OSBPL1A: variants seen among roughly 807,000 people sequenced by gnomAD.
The protein encoded by OSBPL1A is oxysterol binding protein like 1A.
A neutral mutation model predicts 137.1 loss-of-function variants in OSBPL1A; 80 were observed. The ratio of observed to expected loss-of-function variants is 0.58; its 90% CI spans 0.49 to 0.70. The LOEUF is 0.70. Among genes scored for constraint, OSBPL1A ranks in the 30% least tolerant of loss-of-function variants. The probability of loss-of-function intolerance (pLI) is 0.00; values close to 1 mark genes in which losing one functional copy is unlikely to be tolerated. For synonymous variants in OSBPL1A, 365 were observed against 389.7 expected (o/e 0.94, Z 0.75); for missense variants, 970 against 1,129.4 (o/e 0.86, Z 2.02).
chr18:24,363,646 A>T (rs189148936), intron 4 of OSBPL1A, among the ~76,000 whole-genome samples: 229 of 144,682 alleles, frequency 1.6e-3, no homozygotes, highest in Non-Finnish European at 1.8e-3. Context: ...CTTCCTTTCT[A>T]TCTTTCTTTC....
chr18:24,258,817 T>TA (rs2089360499), intron 15 of OSBPL1A, among the ~76,000 whole-genome samples: 1 of 152,024 alleles, frequency 6.6e-6, no homozygotes, highest in Non-Finnish European at 1.5e-5. Context: ...CAATATATTT[T>TA]AATGTAATAT....
At chr18:24,394,145 C>G (rs1907565358) in intron 1 of OSBPL1A, among the ~76,000 whole-genome samples, 1 of 152,110 alleles carries the variant, frequency 6.6e-6, no homozygotes. Context: ...GTTTATAAAG[C>G]ATTGAAATCA....
chr18:24,219,002 AAAATAGGAGGCCG>A (rs2145978831), intron 17 of OSBPL1A, among the ~76,000 whole-genome samples: 1 of 152,250 alleles, frequency 6.6e-6, no homozygotes, highest in Admixed American at 6.5e-5. Flanking sequence ...ATTTGCTTTA[AAAATAGGAGGCCG>A]AGCGCAGTGG....
At chr18:24,273,988 C>T (rs1418669663) in intron 15 of OSBPL1A, among the ~76,000 whole-genome samples, 1 of 152,102 alleles carries the variant, frequency 6.6e-6, no homozygotes, top group African/African-American at 2.4e-5. Context: ...AATCCCAGCA[C>T]ATTGAGAGGC....
chr18:24,223,829 T>C (rs537086428), intron 17 of OSBPL1A, among the ~76,000 whole-genome samples: 16 of 152,298 alleles, frequency 1.1e-4, no homozygotes, highest in African/African-American at 3.8e-4. Flanking sequence ...CTTTGAACTT[T>C]CCAAAGATTT....
At chr18:24,293,911 G>A (rs2146090838) in intron 14 of OSBPL1A, among the ~76,000 whole-genome samples, 1 of 152,288 alleles carries the variant, frequency 6.6e-6, no homozygotes, top group South Asian at 2.1e-4. Context: ...CAGCAAGTAG[G>A]TTTTCAGATG....
chr18:24,350,493 T>C (rs2091419977), intron 4 of OSBPL1A, among the ~76,000 whole-genome samples: 1 of 152,174 alleles, frequency 6.6e-6, no homozygotes, highest in Non-Finnish European at 1.5e-5. Flanking sequence ...GGTCTCACTA[T>C]ATTGCCCAGG....
intron 14 of OSBPL1A, chr18:24,302,756 T>C (rs924301461): frequency 6.6e-6 from 1 of 152,036 alleles, no homozygotes; most frequent in Admixed American, 6.6e-5. Context: ...TGAGAACTCA[T>C]AATAGAGAAT....
At chr18:24,365,693 G>A (rs1403385700) in intron 4 of OSBPL1A, among the ~76,000 whole-genome samples, 2 of 152,126 alleles carry the variant, frequency 1.3e-5, no homozygotes, top group Middle Eastern at 3.2e-3. Flanking sequence ...ATATAAACAG[G>A]CATGAGGAAA....
chr18:24,260,934 C>T (rs186074665), intron 15 of OSBPL1A, among the ~76,000 whole-genome samples: 73 of 151,382 alleles, frequency 4.8e-4, no homozygotes, highest in Non-Finnish European at 7.4e-5. Flanking sequence ...AGCTTATGTC[C>T]ACATAAATAC....
intron 4 of OSBPL1A, among the ~76,000 whole-genome samples, chr18:24,351,355 A>AAAAAAAAAAAAAAAAAAAAAAC (rs1568045846): frequency 6.7e-6 from 1 of 150,068 alleles, no homozygotes; most frequent in Non-Finnish European, 1.5e-5. Flanking sequence ...CTCAAAAAAA[A>AAAAAAAAAAAAAAAAAAAAAAC]AAAAAAAAAA....
At chr18:24,239,749 C>A (rs1290082530) in intron 15 of OSBPL1A, among the ~76,000 whole-genome samples, 1 of 151,970 alleles carries the variant, frequency 6.6e-6, no homozygotes, top group African/African-American at 2.4e-5. Flanking sequence ...ACAGTTTCAG[C>A]AAGTCTTGGA....
At chr18:24,244,172 A>G (rs1270744067) in intron 15 of OSBPL1A, among the ~76,000 whole-genome samples, 1 of 152,214 alleles carries the variant, frequency 6.6e-6, no homozygotes, top group East Asian at 1.9e-4. Flanking sequence ...GGTGTAACAG[A>G]AACAGTGCCT....
intron 15 of OSBPL1A, among the ~76,000 whole-genome samples, chr18:24,251,204 C>A (rs904530191): frequency 6.6e-6 from 1 of 152,194 alleles, no homozygotes; most frequent in Non-Finnish European, 1.5e-5. Context: ...AAAGGAAGAA[C>A]AAAACCTGGC....
intron 19 of OSBPL1A, 105 bp downstream of exon 19, chr18:24,181,040 A>G (rs1198983752): frequency 7.3e-7 from 1 of 1,378,464 alleles, no homozygotes; most frequent in Non-Finnish European, 9.7e-7. Flanking sequence ...AAATTGCCCA[A>G]CCTCACATTG....
At chr18:24,299,839 G>A (rs929035217) in intron 14 of OSBPL1A, among the ~76,000 whole-genome samples, 24 of 151,856 alleles carry the variant, frequency 1.6e-4, no homozygotes, top group Non-Finnish European at 2.4e-4. Flanking sequence ...TATCTTTTTC[G>A]GCAATTTAAC....
Position 24,222,994 on chromosome 18 carries a change from G to A in OSBPL1A, c.1601+2048C>T, listed in dbSNP as rs368065532. Among the ~76,000 whole-genome samples the A allele has an allele frequency of 1.4e-4, 22 of 151,996 alleles. No individual in the cohort carries two copies. The East Asian group carries it at 3.3e-3, about 23-fold the overall frequency. On this transcript the variant is annotated intron_variant, in intron 17 of 27. Coordinates refer to ENST00000319481, the MANE Select transcript of OSBPL1A (RefSeq NM_080597.4). ...AGTAAGGAAAACAGAAATCTACGAC[G>A]AGGTCAAATACAATTTTCACATGAA...
At chr18:24,217,823 G>A (rs989838229) in intron 17 of OSBPL1A, among the ~76,000 whole-genome samples, 7 of 152,120 alleles carry the variant, frequency 4.6e-5, no homozygotes, top group Admixed American at 2.0e-4. Flanking sequence ...CCTATGGTTT[G>A]TGTACCTATG....
rs543867145 is a variant in OSBPL1A at position 24,258,925 on chromosome 18, C to CTTTT, written c.1282-19547_1282-19544dup. On this transcript the variant is annotated intron_variant, in intron 15 of 27. Transcript: ENST00000319481. ...TTAAAGTCTATTTTTAAAATTACAT[C>CTTTT]TTTTTTTTTTTTTTTTTTTTTTTTT... Among the ~76,000 whole-genome samples the CTTTT allele has an allele frequency of 3.1e-4, 29 of 92,750 alleles. 1 individual carries two copies. Among genetic ancestry groups the CTTTT allele is most frequent in the Non-Finnish European group, 4.1e-4 (20 of 48,434 alleles). 60.8% of individuals were successfully genotyped at this position (92,750 alleles called of 152,430 possible).
Sources: allele counts gnomAD v4.1 joint callset (sites outside exome capture counted in the v4.1 genomes callset), GRCh38; gene constraint gnomAD v4.1.1; transcripts MANE v1.5; gene names NCBI Gene and HGNC (gene_info 2026-07-23, HGNC 2026-07-21).